Variants in SMAD3 observed in about 807,000 individuals in gnomAD.
SMAD3 encodes the protein SMAD family member 3.
A neutral mutation model predicts 51.8 loss-of-function variants in SMAD3; 12 were observed. The ratio of observed to expected loss-of-function variants is 0.23; its 90% CI spans 0.15 to 0.38. The LOEUF (loss-of-function observed/expected upper bound fraction) is 0.38, where lower values mean the gene tolerates loss of function less well. Among genes scored for constraint, SMAD3 ranks in the 10% least tolerant of loss-of-function variants. The pLI is 1.00. For synonymous variants in SMAD3, 238 were observed against 227.7 expected, an observed-to-expected ratio of 1.05 and a Z score of -0.41; for missense variants, 294 against 565.6, an observed-to-expected ratio of 0.52 and a Z score of 4.87.
chr15:67,066,486 C>T, intron 1 of SMAD3, 126 bp downstream of exon 1: 2 of 781,650 alleles, frequency 2.6e-6, no homozygotes, highest in Non-Finnish European at 4.2e-6. Flanking sequence ...TGTGTGGGTG[C>T]GTGTGTGTGA....
chr15:67,116,935 A>G (rs1961148431), intron 1 of SMAD3, among the ~76,000 whole-genome samples: 1 of 152,182 alleles, frequency 6.6e-6, no homozygotes, highest in South Asian at 2.1e-4. Flanking sequence ...TGCAATGTTT[A>G]TCTTGAAAGA....
chr15:67,107,965 T>TCCCCCC (rs138958033), intron 1 of SMAD3, among the ~76,000 whole-genome samples: 79 of 124,634 alleles, frequency 6.3e-4, no homozygotes, highest in Middle Eastern at 3.4e-3. Flanking sequence ...TGCTCTCCTC[T>TCCCCCC]CCCCCCCACC....
At chr15:67,079,984 A>G (rs1339357932) in intron 1 of SMAD3, among the ~76,000 whole-genome samples, 1 of 152,228 alleles carries the variant, frequency 6.6e-6, no homozygotes, top group Admixed American at 6.5e-5. Context: ...TAGGGTGACT[A>G]CATAATTTAT....
chr15:67,190,367 A>G (rs80352574), intron 8 of SMAD3, 46 bp from the exon 9 acceptor site: 1 of 1,584,950 alleles, frequency 6.3e-7, no homozygotes, highest in Non-Finnish European at 8.7e-7. Flanking sequence ...AACCCCCTGG[A>G]GATTTTTTAA....
In SMAD3 at chr15:67,187,498, A is replaced by G. The variant is rs992420866; in HGVS notation, c.1143A>G (p.Gly381=). The G allele has an allele frequency of 4.3e-6, 7 of 1,614,152 alleles. No individual in the cohort carries two copies. Among genetic ancestry groups the G allele is most frequent in the Non-Finnish European group, 5.9e-6 (7 of 1,180,020 alleles). Residue 381 remains glycine (G), a synonymous_variant, in exon 8 of 9, where the codon GGA becomes GGG. Transcript: ENST00000327367. Reference sequence around the variant, plus strand: ...GCATGAGCTTCGTCAAAGGCTGGGGAGCGGAGTACAGGTCAGTTATGGGTG... The same window carrying G: ...GCATGAGCTTCGTCAAAGGCTGGGGGGCGGAGTACAGGTCAGTTATGGGTG... ...TIRMSFVKGW[G]AEYRRQTVTS...
chr15:67,123,198 A>G (rs1329060362), intron 1 of SMAD3, among the ~76,000 whole-genome samples: 2 of 151,288 alleles, frequency 1.3e-5, no homozygotes, highest in African/African-American at 4.9e-5. Context: ...CAAAAAAAAA[A>G]AAAAAAAAAA....
At position 67,191,035 on chromosome 15, in the gene SMAD3, G is replaced by GGCCCCCCCC; in HGVS notation, c.*499_*500insGCCCCCCCC. 4.5e-6 allele frequency: 1 copy of GGCCCCCCCC among 224,528 alleles called. No individual in the cohort carries two copies. The highest frequency in any genetic ancestry group is 8.8e-6 in the Non-Finnish European group (1 of 114,162). The allele number at this position is 224,528 out of a possible 1,614,324, so 13.9% of individuals were successfully genotyped here. On this transcript the variant is annotated 3_prime_UTR_variant, in exon 9 of 9. Coordinates refer to ENST00000327367, the MANE Select transcript of SMAD3 (RefSeq NM_005902.4). ...TCTTCCAGTGAACATTCCCAGCCCA[G>GGCCCCCCCC]CCCCGCCCCGCCCCGCCCCACCACT...
At chr15:67,099,146 C>T (rs887774396) in intron 1 of SMAD3, 9 of 641,716 alleles carry the variant, frequency 1.4e-5, no homozygotes, top group African/African-American at 5.4e-5. Flanking sequence ...GAAGAAGTAG[C>T]CGCTCTTGTT....
chr15:67,105,076 T>G (rs1433837928), intron 1 of SMAD3, among the ~76,000 whole-genome samples: 3 of 152,238 alleles, frequency 2.0e-5, no homozygotes, highest in Admixed American at 2.0e-4. Flanking sequence ...AGGCACTGTT[T>G]GTCAGGAGGC....
rs1959914440 is a variant in SMAD3 at position 67,066,292 on chromosome 15, G to A, written c.138G>A (p.Gly46=). 1.9e-6 allele frequency: 3 copies of A among 1,613,756 alleles called. No homozygotes were observed. The highest frequency in any genetic ancestry group is 2.5e-6 in the Non-Finnish European group (3 of 1,179,880). The change falls in exon 1 of 9, where the codon GGG becomes GGA. Residue 46 remains glycine (G), a synonymous_variant. Coordinates refer to ENST00000327367, the MANE Select transcript of SMAD3 (RefSeq NM_005902.4). ...TGGTCAAGAAACTCAAGAAGACGGGGCAGCTGGACGAGCTGGAGAAGGCCA... is the reference window on the plus strand; with the variant it reads ...TGGTCAAGAAACTCAAGAAGACGGGACAGCTGGACGAGCTGGAGAAGGCCA... ...KSLVKKLKKT[G]QLDELEKAIT...
intron 1 of SMAD3, among the ~76,000 whole-genome samples, chr15:67,122,966 G>A (rs965987306): frequency 1.3e-5 from 2 of 151,768 alleles, no homozygotes; most frequent in African/African-American, 2.4e-5. Flanking sequence ...TGGGAGGATC[G>A]CTTGAGGCCA....
At chr15:67,164,325 A>G (rs1008279386) in intron 1 of SMAD3, among the ~76,000 whole-genome samples, 2 of 31,226 alleles carry the variant, frequency 6.4e-5, no homozygotes, top group Non-Finnish European at 1.7e-4. Flanking sequence ...AGAAAAAAAA[A>G]AAAAAAAAAA....
intron 1 of SMAD3, among the ~76,000 whole-genome samples, chr15:67,107,033 G>T (rs1214275054): frequency 2.6e-5 from 4 of 151,970 alleles, no homozygotes; most frequent in African/African-American, 9.7e-5. Flanking sequence ...GCACGACTTG[G>T]CTTCTGTCGG....
chr15:67,145,834 G>C (rs967213263), intron 1 of SMAD3, among the ~76,000 whole-genome samples: 1 of 152,110 alleles, frequency 6.6e-6, no homozygotes, highest in Admixed American at 6.6e-5. Flanking sequence ...TGTTTCCACC[G>C]TGTCTCCCTG....
At chr15:67,118,746 C>G (rs1014414091) in intron 1 of SMAD3, among the ~76,000 whole-genome samples, 4 of 152,220 alleles carry the variant, frequency 2.6e-5, no homozygotes, top group Non-Finnish European at 4.4e-5. Context: ...GGTTTCTGAG[C>G]TGTCTTTCAA....
intron 1 of SMAD3, among the ~76,000 whole-genome samples, chr15:67,102,770 T>G (rs1013631924): frequency 3.3e-5 from 5 of 152,166 alleles, no homozygotes; most frequent in Admixed American, 6.5e-5. Flanking sequence ...ACGTGGTCCC[T>G]TAGCTTGGTA....
In SMAD3 at chr15:67,194,129, T is replaced by A. The variant is rs879409176; in HGVS notation, c.*3593T>A. 4 of 233,398 alleles carry A rather than the reference T, an allele frequency of 1.7e-5. No homozygotes were observed. The highest frequency in any genetic ancestry group is 4.4e-5 in the African/African-American group (2 of 45,354). The allele number at this position is 233,398 out of a possible 1,614,324, so 14.5% of individuals were successfully genotyped here. On this transcript the variant is annotated 3_prime_UTR_variant, in exon 9 of 9. Transcript: ENST00000327367. ...CCTGTTTCTTACTGTGTGACTTGGCTAGAGTTGGGAGTTCCCCCAAAATAA... is the reference window on the plus strand; with the variant it reads ...CCTGTTTCTTACTGTGTGACTTGGCAAGAGTTGGGAGTTCCCCCAAAATAA...
intron 1 of SMAD3, among the ~76,000 whole-genome samples, chr15:67,074,167 C>G (rs949055065): frequency 7.2e-5 from 11 of 152,214 alleles, no homozygotes; most frequent in Admixed American, 1.3e-4. Flanking sequence ...CTTCCTTACT[C>G]TGTGAGTCTA....
chr15:67,174,168 C>G (rs964745149), intron 5 of SMAD3: 2 of 152,572 alleles, frequency 1.3e-5, no homozygotes, highest in Admixed American at 6.5e-5. Context: ...CTCACATGGC[C>G]ACGCTCTGAG....
Sources: allele counts gnomAD v4.1 joint callset (sites outside exome capture counted in the v4.1 genomes callset), GRCh38; gene constraint gnomAD v4.1.1; transcripts MANE v1.5; gene names NCBI Gene and HGNC (gene_info 2026-07-23, HGNC 2026-07-21).